The following DIAPH2 variants were observed in gnomAD, a reference collection of about 807,000 sequenced individuals.
The protein encoded by DIAPH2 is diaphanous related formin 2, also known as protein diaphanous homolog 2.
DIAPH2 carries 35 observed loss-of-function variants against 92.7 expected under a neutral mutation model. That is an observed-to-expected ratio of 0.38 (90% CI 0.29 to 0.50). The LOEUF (loss-of-function observed/expected upper bound fraction) is 0.50, where lower values mean the gene tolerates loss of function less well. Ranked by LOEUF, DIAPH2 falls within the 20% of genes least tolerant of loss-of-function variation. The probability of loss-of-function intolerance (pLI) is 0.94; values close to 1 mark genes in which losing one functional copy is unlikely to be tolerated. For synonymous variants in DIAPH2, 301 were observed against 280.4 expected, an observed-to-expected ratio of 1.07 and a Z score of -0.73; for missense variants, 701 against 819.5, an observed-to-expected ratio of 0.86 and a Z score of 1.77.
At chrX:97,023,613 G>A (rs1432627145) in intron 17 of DIAPH2, among the ~76,000 whole-genome samples, 1 of 111,752 alleles carries the variant, frequency 8.9e-6, no homozygotes, top group Non-Finnish European at 1.9e-5. Context: ...TCATCATAAT[G>A]CACCTCTTGA....
intron 22 of DIAPH2, among the ~76,000 whole-genome samples, chrX:97,169,662 G>A (rs975213415): frequency 1.8e-5 from 2 of 111,872 alleles, no homozygotes; most frequent in Non-Finnish European, 3.8e-5. Flanking sequence ...TCAGGAGTTT[G>A]AGACTAGGCT....
chrX:97,393,948 A>C (rs2069682574), intron 25 of DIAPH2, among the ~76,000 whole-genome samples: 1 of 111,968 alleles, frequency 8.9e-6, no homozygotes, highest in Non-Finnish European at 1.9e-5. Flanking sequence ...TTGATGAAAA[A>C]TCAGTCTTCA....
At chrX:96,731,446 G>A (rs181113730) in intron 1 of DIAPH2, among the ~76,000 whole-genome samples, 1 of 111,454 alleles carries the variant, frequency 9.0e-6, no homozygotes, top group Non-Finnish European at 1.9e-5. Flanking sequence ...TGAGTTGGTG[G>A]TGAGACTTTT....
intron 4 of DIAPH2, among the ~76,000 whole-genome samples, chrX:96,785,291 G>A (rs2064446522): frequency 1.8e-5 from 2 of 110,553 alleles, no homozygotes; most frequent in Admixed American, 1.9e-4. Context: ...CTGAGGCTGG[G>A]TAATGTATAA....
intron 23 of DIAPH2, among the ~76,000 whole-genome samples, chrX:97,280,202 C>T (rs1406453662): frequency 9.0e-6 from 1 of 110,698 alleles, no homozygotes; most frequent in South Asian, 3.9e-4. Flanking sequence ...CAGCCGGGCG[C>T]GGTGGCTCAC....
intron 26 of DIAPH2, among the ~76,000 whole-genome samples, chrX:97,456,214 G>C (rs1410422370): frequency 9.0e-6 from 1 of 110,636 alleles, no homozygotes; most frequent in African/African-American, 3.3e-5. Flanking sequence ...GTGAAACCCC[G>C]TCTCTACTAA....
intron 22 of DIAPH2, among the ~76,000 whole-genome samples, chrX:97,198,021 C>T (rs757613573): frequency 2.7e-5 from 3 of 110,876 alleles, no homozygotes; most frequent in Non-Finnish European, 3.8e-5. Flanking sequence ...CTTTATAGGA[C>T]TCAGAAAGAG....
chrX:96,707,478 T>C (rs1300110004), intron 1 of DIAPH2, among the ~76,000 whole-genome samples: 1 of 109,429 alleles, frequency 9.1e-6, no homozygotes, highest in Non-Finnish European at 1.9e-5. Flanking sequence ...GCCTTAGTAA[T>C]TTTAATTTTT....
chrX:96,988,550 T>A (rs1318948513), intron 17 of DIAPH2, among the ~76,000 whole-genome samples: 1 of 110,691 alleles, frequency 9.0e-6, no homozygotes, highest in East Asian at 2.8e-4. Context: ...AGGATAGTGT[T>A]GACAGAAAAA....
intron 5 of DIAPH2, among the ~76,000 whole-genome samples, chrX:96,910,631 TTATTC>T (rs2065463414): frequency 1.8e-5 from 2 of 111,480 alleles, no homozygotes; most frequent in East Asian, 2.8e-4. Flanking sequence ...ATGAGATTGC[TTATTC>T]TATTAACCAT....
chrX:97,485,922 A>C (rs1257376244), intron 26 of DIAPH2, among the ~76,000 whole-genome samples: 1 of 110,413 alleles, frequency 9.1e-6, no homozygotes, highest in African/African-American at 3.3e-5. Flanking sequence ...GCCATGAGGT[A>C]ATTGAAGGTG....
intron 17 of DIAPH2, among the ~76,000 whole-genome samples, chrX:97,050,648 A>G (rs1274274603): frequency 1.8e-5 from 2 of 110,540 alleles, no homozygotes; most frequent in Admixed American, 1.9e-4. Flanking sequence ...GAACAGAAGA[A>G]CTTTGTTATG....
rs139531482 is a variant in DIAPH2, at chrX:96,759,233, A to G, written c.447+975A>G. Among the ~76,000 whole-genome samples, 35 of 111,588 alleles carry G rather than the reference A, an allele frequency of 3.1e-4. No homozygotes were observed. In the East Asian group the frequency reaches 9.3e-3, roughly 30 times the overall value. On this transcript the variant is annotated intron_variant, in intron 4 of 26. Transcript: ENST00000324765. The stretch of plus-strand genomic sequence containing the variant: ...TATTCTAAAGTTATTTGGCTATCCT[A>G]TTAATGCTATTTCAGTACAGCAATT...
intron 20 of DIAPH2, among the ~76,000 whole-genome samples, chrX:97,110,710 G>A (rs923751311): frequency 1.8e-5 from 2 of 112,155 alleles, no homozygotes; most frequent in Non-Finnish European, 3.8e-5. Context: ...TTTGCCGGGT[G>A]CAGTGGCTCA....
chrX:97,347,589 A>G (rs1396894538), intron 23 of DIAPH2, among the ~76,000 whole-genome samples: 1 of 111,222 alleles, frequency 9.0e-6, no homozygotes, highest in Non-Finnish European at 1.9e-5. Context: ...GTGTGGCTAC[A>G]TATTGAATAG....
intron 4 of DIAPH2, among the ~76,000 whole-genome samples, chrX:96,769,555 G>A (rs753711590): frequency 1.8e-5 from 2 of 111,882 alleles, no homozygotes; most frequent in African/African-American, 6.5e-5. Flanking sequence ...GGTATTGAAG[G>A]CCAAGTATAC....
chrX:97,041,365 A>G (rs1034268603), intron 17 of DIAPH2, among the ~76,000 whole-genome samples: 7 of 111,831 alleles, frequency 6.3e-5, no homozygotes, highest in African/African-American at 1.3e-4. Context: ...TAGGAGTAGC[A>G]TGTTCCAATT....
Position 96,906,060 on chromosome X carries a change from C to T in DIAPH2, c.588-6268C>T, listed in dbSNP as rs756975789. On this transcript the variant is annotated intron_variant, in intron 5 of 26. Transcript: ENST00000324765. Reference sequence around the variant, plus strand: ...AGGAGAATGGGGTGAACCCGGGAGGCGGAGCTTGCAGTCAGCCGAGATGGT... The same window carrying T: ...AGGAGAATGGGGTGAACCCGGGAGGTGGAGCTTGCAGTCAGCCGAGATGGT... Among the ~76,000 whole-genome samples the T allele has an allele frequency of 2.1e-4, 24 of 112,404 alleles. No homozygotes were observed. In the South Asian group the frequency reaches 8.8e-3, roughly 41 times the overall value.
At chrX:97,450,429 G>A (rs182992017) in intron 26 of DIAPH2, among the ~76,000 whole-genome samples, 11 of 111,514 alleles carry the variant, frequency 9.9e-5, no homozygotes, top group East Asian at 5.6e-4. Context: ...ATAGGGAGGC[G>A]GTGAATGTAT....
Sources: gnomAD v4.1 joint callset for allele counts (sites outside exome capture counted in the v4.1 genomes callset) on GRCh38, gnomAD v4.1.1 for gene constraint, MANE v1.5 for transcripts, NCBI Gene and HGNC (gene_info 2026-07-23, HGNC 2026-07-21) for gene names.